Variants in GYS1 observed in about 807,000 individuals in gnomAD.
GYS1 encodes the protein glycogen synthase 1.
Under a neutral mutation model 89.1 loss-of-function variants are expected in GYS1, and 60 were observed. That is an observed-to-expected ratio of 0.67 (90% confidence interval 0.55 to 0.84). The LOEUF (loss-of-function observed/expected upper bound fraction) is 0.84, where lower values mean the gene tolerates loss of function less well. GYS1 is among the 40% of genes least tolerant of loss of function. The pLI, the probability that GYS1 is intolerant of heterozygous loss-of-function variation, is 0.00. For missense variants in GYS1, 888 were observed against 1,003.1 expected (o/e 0.89, Z 1.55); for synonymous variants, 366 against 401.7 (o/e 0.91, Z 1.06).
At chr19:48,982,502 G>A (rs551820106) in intron 6 of GYS1, 127 bp from the exon 7 acceptor site, 7 of 1,018,466 alleles carry the variant, frequency 6.9e-6, no homozygotes, top group Admixed American at 1.9e-5. Flanking sequence ...GAGGCATCAC[G>A]GGGCCTCCTG....
Position 48,978,165 on chromosome 19 carries a change from AAGC to A in GYS1, c.1170-11_1170-9del, listed in dbSNP as rs2038690644. On this transcript the variant is annotated splice_polypyrimidine_tract_variant and intron_variant, in intron 8 of 15. Coordinates refer to ENST00000323798, the MANE Select transcript of GYS1 (RefSeq NM_002103.5). ...ACCGTGTTGGCCGTGTCCCTGGAGGAAGCAGAGCAACAGGGTCACATACACACC... is the reference window on the plus strand; with the variant it reads ...ACCGTGTTGGCCGTGTCCCTGGAGGAAGAGCAACAGGGTCACATACACACC... 1 of 1,611,894 alleles carries A rather than the reference AAGC, an allele frequency of 6.2e-7. No individual in the cohort carries two copies. The highest frequency in any genetic ancestry group is 8.5e-7 in the Non-Finnish European group (1 of 1,178,012).
chr19:48,973,793 A>C (rs1450345198), intron 12 of GYS1, among the ~76,000 whole-genome samples: 1 of 152,130 alleles, frequency 6.6e-6, no homozygotes, highest in African/African-American at 2.4e-5. Context: ...CTGGGATTAC[A>C]GGCATGAGCC....
At position 48,985,919 on chromosome 19, in the gene GYS1, G is replaced by T; in HGVS notation, c.609C>A (p.Thr203=). The T allele has an allele frequency of 6.2e-7, 1 of 1,614,172 alleles. No homozygotes were observed. The highest frequency in any genetic ancestry group is 8.5e-7 in the Non-Finnish European group (1 of 1,180,040). ...ARRLPVATIF[T]THATLLGRYL... ...AGCGCCCCAGCAGCGTGGCATGGGT[G>T]GTGAAGATGGTTGCTACAGGCAGTC... The change falls in exon 4 of 16, where the codon ACC becomes ACA. Residue 203 remains threonine, a synonymous_variant. Transcript: ENST00000323798.
intron 8 of GYS1, among the ~76,000 whole-genome samples, chr19:48,979,359 T>C (rs1228735737): frequency 2.6e-4 from 17 of 64,310 alleles, no homozygotes; most frequent in South Asian, 1.0e-3. Context: ...TTTTTTTTTT[T>C]TTTTTTTTTT....
intron 14 of GYS1, 23 bp from the exon 15 acceptor site, chr19:48,969,878 G>T: frequency 1.3e-6 from 2 of 1,551,652 alleles, no homozygotes; most frequent in Non-Finnish European, 1.8e-6. Flanking sequence ...AGGAGAGGGG[G>T]CAGAGGATGT....
At position 48,988,410 on chromosome 19, in the gene GYS1, T is replaced by C. The variant is rs187638795; in HGVS notation, c.301-1025A>G. ...GTGCAGTGGTGTGAACATGGTTCACTATAGCCTCAACCTCCCTGGCTCAGT... is the reference window on the plus strand; with the variant it reads ...GTGCAGTGGTGTGAACATGGTTCACCATAGCCTCAACCTCCCTGGCTCAGT... On this transcript the variant is annotated intron_variant, in intron 2 of 15. Coordinates refer to ENST00000323798, the MANE Select transcript of GYS1 (RefSeq NM_002103.5). 2.8e-3 allele frequency among the ~76,000 whole-genome samples: 423 copies of C among 152,114 alleles called. 3 individuals are homozygous for C. The highest frequency in any genetic ancestry group is 0.01 in the Middle Eastern group (3 of 294).
At chr19:48,979,292 C>A (rs1003154566) in intron 8 of GYS1, among the ~76,000 whole-genome samples, 2 of 149,578 alleles carry the variant, frequency 1.3e-5, no homozygotes, top group African/African-American at 4.9e-5. Flanking sequence ...ATAGCTCTGG[C>A]CTCATTTATT....
At position 48,969,116 on chromosome 19, in the gene GYS1, C is replaced by A. The variant is rs949375300; in HGVS notation, c.*172G>T. The A allele has an allele frequency of 1.5e-6, 1 of 646,758 alleles. No individual in the cohort carries two copies. The highest frequency in any genetic ancestry group is 1.9e-5 in the South Asian group (1 of 53,790). 40.1% of individuals were successfully genotyped at this position (646,758 alleles called of 1,614,324 possible). A position where few individuals can be genotyped will look rare whatever the true frequency, so the allele number is the denominator to read the frequency against. On this transcript the variant is annotated 3_prime_UTR_variant, in exon 16 of 16. Coordinates refer to ENST00000323798, the MANE Select transcript of GYS1 (RefSeq NM_002103.5). ...GCACGGCTTTGTGGATTCTGGAGTG[C>A]AGGAACTTGGAAACTGGAGCTGGAG...
intron 5 of GYS1, 30 bp downstream of exon 5, chr19:48,985,431 C>G (rs370579867): frequency 5.6e-6 from 9 of 1,610,492 alleles, no homozygotes; most frequent in African/African-American, 1.3e-5. Context: ...CTACCTCATT[C>G]ACGTCTGGGG....
chr19:48,978,530 T>TTATTA (rs1555798832), intron 8 of GYS1, among the ~76,000 whole-genome samples: 3 of 146,728 alleles, frequency 2.0e-5, no homozygotes, highest in East Asian at 2.1e-4. Context: ...CAGCAGTTTA[T>TTATTA]TTATTATTAT....
In GYS1 at chr19:48,969,992, C is replaced by T. The variant is rs544210280; in HGVS notation, c.1810-137G>A. 10 of 671,566 alleles carry T rather than the reference C, an allele frequency of 1.5e-5. No individual in the cohort carries two copies. The Admixed American group carries it at 1.9e-4, about 13-fold the overall frequency. The allele number at this position is 671,566 out of a possible 1,614,324, so 41.6% of individuals were successfully genotyped here. A position where few individuals can be genotyped will look rare whatever the true frequency, so the allele number is the denominator to read the frequency against. On this transcript the variant is annotated intron_variant, in intron 14 of 15. Transcript: ENST00000323798. ...CCATACAAATAATCCATCTATCTGA[C>T]TCCACCCCTTATGTAGATAAGCAGA...
At chr19:48,979,429 T>G (rs2038717304) in intron 8 of GYS1, among the ~76,000 whole-genome samples, 1 of 141,128 alleles carries the variant, frequency 7.1e-6, no homozygotes, top group Non-Finnish European at 1.5e-5. Flanking sequence ...GGCCACTTTC[T>G]AGGTTCAAGA....
rs537423399 is a variant in GYS1, at chr19:48,988,057, G to A, written c.301-672C>T. On this transcript the variant is annotated intron_variant, in intron 2 of 15. Coordinates refer to ENST00000323798, the MANE Select transcript of GYS1 (RefSeq NM_002103.5). The stretch of plus-strand genomic sequence containing the variant: ...GACCTTGTGATCCGCCCGCCTCGGC[G>A]TCCCAAAGTGCTGGGATTACAGGCG... 6.6e-5 allele frequency among the ~76,000 whole-genome samples: 10 copies of A among 152,138 alleles called. No homozygotes were observed. In the East Asian group the frequency reaches 7.7e-4, roughly 12 times the overall value.
At chr19:48,989,406 C>T (rs891392913) in intron 2 of GYS1, among the ~76,000 whole-genome samples, 10 of 146,254 alleles carry the variant, frequency 6.8e-5, no homozygotes, top group Non-Finnish European at 1.3e-4. Context: ...TGCTTGAACG[C>T]GGGAGGCGGA....
Position 48,985,473 on chromosome 19 carries a change from TG to T in GYS1, c.810del (p.Lys271ArgfsTer7). On this transcript the variant is annotated frameshift_variant, in exon 5 of 16. Transcript: ENST00000323798. LOFTEE classifies it high-confidence loss of function. ...GCCCAGCCCCTACCTGGTTTCCTCT[TG>T]AGCAAGTGCTGTGCCTCGATGGCGG... Reference protein sequence around the residue: ...QITAIEAQHLLKRKPDIVTPN... With the variant: ...QITAIEAQHLXKRKPDIVTPN... 1 of 1,613,868 alleles carries T rather than the reference TG, an allele frequency of 6.2e-7. No homozygotes were observed. The highest frequency in any genetic ancestry group is 8.5e-7 in the Non-Finnish European group (1 of 1,180,030).
intron 14 of GYS1, chr19:48,970,198 C>T (rs919156285): frequency 2.2e-6 from 1 of 463,158 alleles, no homozygotes. Flanking sequence ...GAACAAGGCT[C>T]ACTGCAGCCT....
rs962330001 is a variant in GYS1 at position 48,969,786 on chromosome 19, C to G, written c.1879G>C (p.Glu627Gln). The G allele has an allele frequency of 6.2e-7, 1 of 1,613,956 alleles. No homozygotes were observed. The highest frequency in any genetic ancestry group is 8.5e-7 in the Non-Finnish European group (1 of 1,179,912). Reference sequence around the variant, plus strand: ...CAGGGTCCACTCACCGCATCCGCCTCGTTGGGCTCGTAGGTGAAGTGCTCT... The same window carrying G: ...CAGGGTCCACTCACCGCATCCGCCTGGTTGGGCTCGTAGGTGAAGTGCTCT... ...FPEHFTYEPN[E>Q]ADAAQGYRYP... is the part of the protein sequence containing the mutation. Residue 627 changes from glutamate to glutamine, a missense_variant, in exon 15 of 16, where the codon GAG (glutamate) becomes CAG (glutamine). By Grantham distance (29) the Glu-to-Gln change is conservative. Transcript: ENST00000323798.
At chr19:48,974,484 T>C in intron 11 of GYS1, 136 bp downstream of exon 11, 1 of 1,086,726 alleles carries the variant, frequency 9.2e-7, no homozygotes, top group Non-Finnish European at 1.4e-6. Context: ...CAGGTCTGCC[T>C]GCCTCAGAAG....
At chr19:48,970,373 G>A (rs1010732533) in intron 14 of GYS1, 173 bp downstream of exon 14, 2 of 628,650 alleles carry the variant, frequency 3.2e-6, no homozygotes, top group African/African-American at 1.8e-5. Context: ...TTCCTGTTAG[G>A]CCTCCCAAAG....
Sources: gnomAD v4.1 joint callset for allele counts (sites outside exome capture counted in the v4.1 genomes callset) on GRCh38, gnomAD v4.1.1 for gene constraint, MANE v1.5 for transcripts, NCBI Gene and HGNC (gene_info 2026-07-23, HGNC 2026-07-21) for gene names.